The following ATXN8OS variants were observed in gnomAD, a reference collection of about 807,000 sequenced individuals.
The protein encoded by ATXN8OS is ATXN8 opposite strand lncRNA, also known as ATXN8 opposite strand (non-protein coding).
intron 4 of ATXN8OS, among the ~76,000 whole-genome samples, chr13:70,161,209 T>A (rs943926382): frequency 6.6e-6 from 1 of 151,986 alleles, no homozygotes; most frequent in African/African-American, 2.4e-5. Flanking sequence ...TACAGAGTGT[T>A]CCCATATAGC....
intron 3 of ATXN8OS, chr13:70,139,382 T>TGCTG: frequency 1.9e-6 from 1 of 525,420 alleles, no homozygotes; most frequent in Non-Finnish European, 3.0e-6. Flanking sequence ...CTACTACTAC[T>TGCTG]ACTGCTGCTG....
intron 1 of ATXN8OS, among the ~76,000 whole-genome samples, chr13:70,109,589 G>T (rs1888167885): frequency 6.6e-6 from 1 of 152,114 alleles, no homozygotes; most frequent in Admixed American, 6.5e-5. Context: ...ATTTTTAGGG[G>T]AATAAAAATC....
chr13:70,107,444 A>T, upstream of ATXN8OS: 1 of 1,614,098 alleles, frequency 6.2e-7, no homozygotes, highest in Non-Finnish European at 8.5e-7. Context: ...AAGGAAGAGG[A>T]GGAAGAGGAC....
intron 4 of ATXN8OS, among the ~76,000 whole-genome samples, chr13:70,158,946 A>G: frequency 6.6e-6 from 1 of 152,190 alleles, no homozygotes; most frequent in East Asian, 1.9e-4. Context: ...TATGAAAGGG[A>G]GAAATTAGTT....
intron 2 of ATXN8OS, among the ~76,000 whole-genome samples, chr13:70,121,755 T>C (rs923036722): frequency 1.3e-5 from 2 of 152,132 alleles, no homozygotes; most frequent in Admixed American, 1.3e-4. Context: ...TAAACTGTGA[T>C]GACTTTTAAA....
chr13:70,128,849 TCCC>T (rs1358092549), intron 2 of ATXN8OS, among the ~76,000 whole-genome samples: 1 of 121,106 alleles, frequency 8.3e-6, no homozygotes, highest in Non-Finnish European at 1.7e-5. Context: ...AACAACAAAA[TCCC>T]CCCACCTTTT....
At chr13:70,136,071 T>C (rs974712741) in intron 3 of ATXN8OS, among the ~76,000 whole-genome samples, 1 of 152,192 alleles carries the variant, frequency 6.6e-6, no homozygotes, top group African/African-American at 2.4e-5. Flanking sequence ...AATCCTCTGA[T>C]TGGCTACAGG....
intron 2 of ATXN8OS, among the ~76,000 whole-genome samples, chr13:70,125,466 C>T (rs904718406): frequency 6.6e-6 from 1 of 152,124 alleles, no homozygotes; most frequent in African/African-American, 2.4e-5. Context: ...TTCATAACAT[C>T]ATCAAGTATT....
intron 2 of ATXN8OS, among the ~76,000 whole-genome samples, chr13:70,118,565 G>C (rs1278195117): frequency 6.6e-6 from 1 of 151,868 alleles, no homozygotes; most frequent in Admixed American, 6.6e-5. Context: ...TTTATACATA[G>C]AGAGGAAGAG....
intron 4 of ATXN8OS, among the ~76,000 whole-genome samples, chr13:70,156,051 T>TA (rs1211210602): frequency 4.6e-5 from 7 of 152,086 alleles, no homozygotes; most frequent in South Asian, 2.1e-4. Flanking sequence ...TAACTAACAA[T>TA]AAAAAAACTG....
intron 4 of ATXN8OS, among the ~76,000 whole-genome samples, chr13:70,164,584 G>C (rs73522643): frequency 0.018 from 2,809 of 152,028 alleles, 90 homozygotes; most frequent in African/African-American, 0.063. Flanking sequence ...TGTCATCTGA[G>C]CATAAGTGAA....
chr13:70,117,568 C>G lies in ATXN8OS; in HGVS notation n.398+2270C>G, dbSNP rs946029856. On this transcript the variant is annotated intron_variant and non_coding_transcript_variant, in intron 2 of 4. Coordinates refer to ENST00000678624, the Ensembl canonical transcript of ATXN8OS. ...AAAAACAGTATGTGCATTATTCCTC[C>G]TAGTTGCCTACTGACTGGAAAGCAA... Among the ~76,000 whole-genome samples, 92 of 152,132 alleles carry G rather than the reference C, an allele frequency of 6.0e-4. 1 individual carries two copies. In the East Asian group the frequency reaches 0.017, roughly 29 times the overall value.
At chr13:70,138,578 A>G (rs939775406) in intron 3 of ATXN8OS, among the ~76,000 whole-genome samples, 1 of 152,120 alleles carries the variant, frequency 6.6e-6, no homozygotes, top group African/African-American at 2.4e-5. Flanking sequence ...ACAGACACAA[A>G]TATTTGGCAG....
intron 3 of ATXN8OS, among the ~76,000 whole-genome samples, chr13:70,144,468 A>G (rs1397146138): frequency 6.6e-6 from 1 of 152,116 alleles, no homozygotes; most frequent in East Asian, 1.9e-4. Flanking sequence ...TCATTTTTAT[A>G]CCCAATAACC....
chr13:70,156,267 GT>G (rs1888935784), intron 4 of ATXN8OS, among the ~76,000 whole-genome samples: 5 of 151,672 alleles, frequency 3.3e-5, no homozygotes, highest in Non-Finnish European at 7.4e-5. Context: ...GTGTGTGTGT[GT>G]GTTTATATTG....
At chr13:70,139,836 C>T (rs1888683903) in intron 3 of ATXN8OS, among the ~76,000 whole-genome samples, 1 of 152,090 alleles carries the variant, frequency 6.6e-6, no homozygotes, top group Non-Finnish European at 1.5e-5. Flanking sequence ...TTCTATACAA[C>T]TATTCTTGTA....
At chr13:70,148,152 G>C (rs889949682) in intron 4 of ATXN8OS, among the ~76,000 whole-genome samples, 1 of 152,098 alleles carries the variant, frequency 6.6e-6, no homozygotes, top group African/African-American at 2.4e-5. Context: ...TCTCTTATCT[G>C]ACCTTAGAAG....
At chr13:70,147,145 A>C (rs546262992) in intron 3 of ATXN8OS, among the ~76,000 whole-genome samples, 1 of 152,308 alleles carries the variant, frequency 6.6e-6, no homozygotes, top group Admixed American at 6.5e-5. Context: ...TATTGTCTGA[A>C]GACAATGAAT....
At chr13:70,138,904 G>T (rs898180312) in intron 3 of ATXN8OS, among the ~76,000 whole-genome samples, 1 of 151,882 alleles carries the variant, frequency 6.6e-6, no homozygotes, top group Non-Finnish European at 1.5e-5. Flanking sequence ...AGACTTATTG[G>T]AATTCATGCC....
Sources: gnomAD v4.1 joint callset for allele counts (sites outside exome capture counted in the v4.1 genomes callset) on GRCh38, gnomAD v4.1.1 for gene constraint, MANE v1.5 for transcripts, NCBI Gene and HGNC (gene_info 2026-07-23, HGNC 2026-07-21) for gene names.